Variants in SHC4 observed in about 807,000 individuals in gnomAD.
SHC4 encodes the protein SHC-transforming protein 4.
Under a neutral mutation model 69.4 loss-of-function variants are expected in SHC4, and 41 were observed. The ratio of observed to expected loss-of-function variants is 0.59; its 90% confidence interval spans 0.46 to 0.77. The LOEUF (loss-of-function observed/expected upper bound fraction) is 0.77, where lower values mean the gene tolerates loss of function less well. SHC4 is among the 30% of genes least tolerant of loss of function. SHC4 has a pLI of 0.00. For synonymous variants in SHC4, 318 were observed against 299.3 expected, an observed-to-expected ratio of 1.06 and a Z score of -0.64; for missense variants, 777 against 783.8, an observed-to-expected ratio of 0.99 and a Z score of 0.10.
chr15:48,871,899 G>A, intron 5 of SHC4, 190 bp downstream of exon 5: 1 of 484,862 alleles, frequency 2.1e-6, no homozygotes, highest in Non-Finnish European at 3.7e-6. Flanking sequence ...AATAGGAAAT[G>A]TTTGCCTAAA....
At chr15:48,836,972 GGCCTTAGTGCT>G (rs781415173) in intron 10 of SHC4, among the ~76,000 whole-genome samples, 1 of 152,108 alleles carries the variant, frequency 6.6e-6, no homozygotes, top group Non-Finnish European at 1.5e-5. Flanking sequence ...ACTTGTAACT[GGCCTTAGTGCT>G]GCCTGCTTTC....
chr15:48,896,094 A>G (rs1410256491), intron 2 of SHC4, among the ~76,000 whole-genome samples: 1 of 152,252 alleles, frequency 6.6e-6, no homozygotes, highest in East Asian at 1.9e-4. Flanking sequence ...TCTCAAAAAA[A>G]ATAGTAGTTA....
chr15:48,927,041 A>C lies in SHC4; in HGVS notation c.586-2092T>G, dbSNP rs532424219. On this transcript the variant is annotated intron_variant, in intron 1 of 11. Transcript: ENST00000332408. ...AACTTCCCAAGCCTTGGGTACCTTA[A>C]GGAAGTTGTGTCTAGAGATTTCTCT... 4.6e-5 allele frequency among the ~76,000 whole-genome samples: 7 copies of C among 152,240 alleles called. No homozygotes were observed. In the South Asian group the frequency reaches 1.4e-3, roughly 32 times the overall value.
chr15:48,832,506 G>A (rs769608455), intron 11 of SHC4, among the ~76,000 whole-genome samples: 1 of 152,068 alleles, frequency 6.6e-6, no homozygotes, highest in Non-Finnish European at 1.5e-5. Context: ...ATCATGATGT[G>A]AATGTCTTAG....
intron 1 of SHC4, among the ~76,000 whole-genome samples, chr15:48,937,704 C>G (rs1246828703): frequency 1.3e-5 from 2 of 152,122 alleles, no homozygotes; most frequent in Admixed American, 1.3e-4. Flanking sequence ...CAGACAACCC[C>G]TGTATGTAGC....
intron 1 of SHC4, among the ~76,000 whole-genome samples, chr15:48,957,167 G>T (rs1901470763): frequency 6.6e-6 from 1 of 151,826 alleles, no homozygotes; most frequent in South Asian, 2.1e-4. Flanking sequence ...TAGTAGAGAT[G>T]AGGTTTCACC....
chr15:48,942,410 A>T (rs954095328), intron 1 of SHC4, among the ~76,000 whole-genome samples: 3 of 152,170 alleles, frequency 2.0e-5, no homozygotes, highest in Admixed American at 1.3e-4. Flanking sequence ...TAACTTAAAT[A>T]ACCAACACCT....
Position 48,851,166 on chromosome 15 carries a change from T to C in SHC4, c.1303+22A>G, listed in dbSNP as rs748297150. ...TACAAGGAATAAGGAGGGTGGCAGA[T>C]GGAGAAGGGCATTGTACCTACCTAT... On this transcript the variant is annotated intron_variant, in intron 9 of 11. Coordinates refer to ENST00000332408, the MANE Select transcript of SHC4 (RefSeq NM_203349.4). 1.9e-6 allele frequency: 3 copies of C among 1,612,188 alleles called. No individual in the cohort carries two copies. The Admixed American group carries it at 5.0e-5, about 27-fold the overall frequency.
rs545561009 is a variant in SHC4, at chr15:48,943,344, T to C, written c.586-18395A>G. Among the ~76,000 whole-genome samples the C allele has an allele frequency of 6.6e-5, 10 of 152,312 alleles. No individual in the cohort carries two copies. The South Asian group carries it at 2.1e-3, about 32-fold the overall frequency. ...TACAAGATTCCACATATAAGTGAAA[T>C]CATGCAGTAGTTTTCTTTCTATATC... On this transcript the variant is annotated intron_variant, in intron 1 of 11. Coordinates refer to ENST00000332408, the MANE Select transcript of SHC4 (RefSeq NM_203349.4).
intron 9 of SHC4, among the ~76,000 whole-genome samples, chr15:48,848,305 A>C (rs1899137200): frequency 6.6e-6 from 1 of 152,152 alleles, no homozygotes; most frequent in Non-Finnish European, 1.5e-5. Context: ...CAATGTTGTA[A>C]TTCAGTGATT....
chr15:48,855,228 T>G (rs1167308726), intron 8 of SHC4, among the ~76,000 whole-genome samples: 1 of 151,570 alleles, frequency 6.6e-6, no homozygotes, highest in Non-Finnish European at 1.5e-5. Context: ...TAAAATAAAA[T>G]AAAAGTTGAA....
rs780263129 is a variant in SHC4, at chr15:48,828,130, TATATAC to T, written c.1738-2010_1738-2005del. On this transcript the variant is annotated intron_variant, in intron 11 of 11. Transcript: ENST00000332408. ...GTGTGTGTGTGTATATATATATATATATATACATCTGTTATGTAACAGTTAATACTG... is the reference window on the plus strand; with the variant it reads ...GTGTGTGTGTGTATATATATATATATATCTGTTATGTAACAGTTAATACTG... Among the ~76,000 whole-genome samples, 320 of 148,268 alleles carry T rather than the reference TATATAC, an allele frequency of 2.2e-3. 1 individual carries two copies. Among genetic ancestry groups the T allele is most frequent in the Middle Eastern group, 0.011 (3 of 278 alleles).
In SHC4 at chr15:48,834,946, C is replaced by G; in HGVS notation, c.1560G>C (p.Gln520His). 6.2e-7 allele frequency: 1 copy of G among 1,613,736 alleles called. No individual in the cohort carries two copies. Among genetic ancestry groups the G allele is most frequent in the Non-Finnish European group, 8.5e-7 (1 of 1,179,820 alleles). ...CATGATAGCATTCTTCGCTCCACAG[C>G]TGCTGCTTAATGTGTGGCAAAGAAT... ...SSHSLPHIKQ[Q>H]LWSEECYHGK... Residue 520 changes from glutamine (Q) to histidine (H), a missense_variant, in exon 11 of 12, where the codon CAG (glutamine) becomes CAC (histidine). Transcript: ENST00000332408.
At chr15:48,953,182 T>C (rs1901392897) in intron 1 of SHC4, among the ~76,000 whole-genome samples, 2 of 152,114 alleles carry the variant, frequency 1.3e-5, no homozygotes, top group Admixed American at 6.5e-5. Context: ...AACCAAATAC[T>C]GCATGTTCTC....
chr15:48,888,214 G>A (rs1414624853), intron 3 of SHC4, among the ~76,000 whole-genome samples: 5 of 152,210 alleles, frequency 3.3e-5, no homozygotes, highest in East Asian at 1.9e-4. Flanking sequence ...GAAGCAACCC[G>A]GTGTCCATCT....
intron 2 of SHC4, among the ~76,000 whole-genome samples, chr15:48,901,251 G>A (rs1441229964): frequency 6.6e-6 from 1 of 152,150 alleles, no homozygotes; most frequent in Non-Finnish European, 1.5e-5. Flanking sequence ...AAAGCAAACC[G>A]GAAACAAATG....
At position 48,884,263 on chromosome 15, in the gene SHC4, A is replaced by G. The variant is rs1350694126; in HGVS notation, c.825T>C (p.Asn275=). The change falls in exon 4 of 12, where the codon AAT becomes AAC. Residue 275 remains asparagine, a synonymous_variant. Transcript: ENST00000332408. ...TISTCSLTLM[N]LDNQQIIANH... Reference sequence around the variant, plus strand: ...GTGATCTTACCTGTTGGTTGTCAAGATTCATCAATGTGAGACTGCATGTTG... The same window carrying G: ...GTGATCTTACCTGTTGGTTGTCAAGGTTCATCAATGTGAGACTGCATGTTG... 1.9e-6 allele frequency: 3 copies of G among 1,599,524 alleles called. No homozygotes were observed. The highest frequency in any genetic ancestry group is 2.6e-6 in the Non-Finnish European group (3 of 1,175,902).
chr15:48,952,442 T>G (rs778184464), intron 1 of SHC4, among the ~76,000 whole-genome samples: 9 of 152,166 alleles, frequency 5.9e-5, no homozygotes, highest in Admixed American at 1.3e-4. Flanking sequence ...ATACCATGAT[T>G]AAGATACAAA....
At chr15:48,851,098 AATGAAGT>A (rs1306879902) in intron 9 of SHC4, 83 bp downstream of exon 9, 1 of 1,282,734 alleles carries the variant, frequency 7.8e-7, no homozygotes, top group East Asian at 2.4e-5. Context: ...CTGACTTTTC[AATGAAGT>A]ATTTAAGAGC....
Sources: gnomAD v4.1 joint callset for allele counts (sites outside exome capture counted in the v4.1 genomes callset) on GRCh38, gnomAD v4.1.1 for gene constraint, MANE v1.5 for transcripts, NCBI Gene and HGNC (gene_info 2026-07-23, HGNC 2026-07-21) for gene names.